The following UHRF2 variants were observed in gnomAD, a reference collection of about 807,000 sequenced individuals.
UHRF2 encodes ubiquitin like with PHD and ring finger domains 2, also known as E3 ubiquitin-protein ligase UHRF2.
UHRF2 carries 23 observed loss-of-function variants against 96.8 expected under a neutral mutation model. That is an observed-to-expected ratio of 0.24 (90% CI 0.17 to 0.34). The LOEUF (loss-of-function observed/expected upper bound fraction) is 0.34. UHRF2 is among the 10% of genes least tolerant of loss of function. The pLI, the probability that UHRF2 is intolerant of heterozygous loss-of-function variation, is 1.00. For synonymous variants in UHRF2, 385 were observed against 332.6 expected (o/e 1.16, Z -1.72); for missense variants, 685 against 981.5 (o/e 0.70, Z 4.04).
chr9:6,451,456 GT>G lies in UHRF2; in HGVS notation c.645-9108del, dbSNP rs1168530481. ...TTCCTTCTATCTTGTTTCTTACCTA[GT>G]TTTTTTTTGTTTTTTTTTTTTGTTT... On this transcript the variant is annotated intron_variant, in intron 3 of 15. Transcript: ENST00000276893. Among the ~76,000 whole-genome samples, 9 of 18,730 alleles carry G rather than the reference GT, an allele frequency of 4.8e-4. No homozygotes were observed. In the East Asian group the frequency reaches 8.2e-3, roughly 17 times the overall value. The allele number at this position is 18,730 out of a possible 152,430, so 12.3% of individuals were successfully genotyped here. A position where few individuals can be genotyped will look rare whatever the true frequency, so the allele number is the denominator to read the frequency against.
chr9:6,444,145 T>C (rs1821349896), intron 3 of UHRF2, among the ~76,000 whole-genome samples: 2 of 152,240 alleles, frequency 1.3e-5, no homozygotes, highest in Admixed American at 6.5e-5. Flanking sequence ...TAGATTTTTC[T>C]TGAATTAAGT....
chr9:6,433,275 G>T (rs909412265), intron 2 of UHRF2, among the ~76,000 whole-genome samples: 18 of 152,106 alleles, frequency 1.2e-4, no homozygotes, highest in African/African-American at 4.1e-4. Context: ...TCAGCCACTG[G>T]AATTGACTAC....
chr9:6,495,910 G>C (rs1824938214), intron 10 of UHRF2: 1 of 151,820 alleles, frequency 6.6e-6, no homozygotes, highest in South Asian at 2.1e-4. Flanking sequence ...ATCTCAATAG[G>C]TATTCTGTAA....
intron 3 of UHRF2, among the ~76,000 whole-genome samples, chr9:6,456,528 T>G (rs1822187574): frequency 6.6e-6 from 1 of 152,264 alleles, no homozygotes; most frequent in South Asian, 2.1e-4. Context: ...CAGCAGCTCT[T>G]TAGTTTAATG....
intron 2 of UHRF2, among the ~76,000 whole-genome samples, chr9:6,431,815 C>T (rs1053098339): frequency 2.0e-5 from 3 of 152,112 alleles, no homozygotes; most frequent in Non-Finnish European, 2.9e-5. Context: ...TCATTTGTGC[C>T]GCCTCGTGTT....
rs1822486064 is a variant in UHRF2 at position 6,460,676 on chromosome 9, G to A, written c.748G>A (p.Val250Ile). ...ACTAAATGTTGGTGATGTGGTAATG[G>A]TTAATTATAATGTAGAAAGTCCTGG... ...NELNVGDVVM[V>I]NYNVESPGQR... is the part of the protein sequence containing the mutation. Residue 250 changes from valine (V) to isoleucine (I), a missense_variant, in exon 4 of 16, where the codon GTT becomes ATT. Physicochemically the swap from Val to Ile is conservative, Grantham distance 29. Around this residue, in one of 6 missense-constraint regions of UHRF2, gnomAD observed 391 missense variants for 437.0 expected, o/e 0.89. Coordinates refer to ENST00000276893, the MANE Select transcript of UHRF2 (RefSeq NM_152896.3). 1 of 1,613,848 alleles carries A rather than the reference G, an allele frequency of 6.2e-7. No individual in the cohort carries two copies. Among genetic ancestry groups the A allele is most frequent in the Non-Finnish European group, 8.5e-7 (1 of 1,179,956 alleles).
rs1393172131 is a variant in UHRF2 at position 6,506,199 on chromosome 9, T to G, written c.*20T>G. 6.2e-7 allele frequency: 1 copy of G among 1,611,922 alleles called. No individual in the cohort carries two copies. Among genetic ancestry groups the G allele is most frequent in the Non-Finnish European group, 8.5e-7 (1 of 1,178,856 alleles). On this transcript the variant is annotated 3_prime_UTR_variant, in exon 16 of 16. Transcript: ENST00000276893. ...CGATGATCTGCCTGCTTTCACTGTGTTGTTCATGGTGGCTTTTTGGACAAT... is the reference window on the plus strand; with the variant it reads ...CGATGATCTGCCTGCTTTCACTGTGGTGTTCATGGTGGCTTTTTGGACAAT...
At chr9:6,505,684 T>C (rs1204114766) in intron 15 of UHRF2, among the ~76,000 whole-genome samples, 1 of 152,230 alleles carries the variant, frequency 6.6e-6, no homozygotes, top group Non-Finnish European at 1.5e-5. Context: ...AATCCAGATT[T>C]TTTTTCCCCC....
intron 6 of UHRF2, among the ~76,000 whole-genome samples, chr9:6,480,199 C>A (rs528563186): frequency 1.2e-4 from 19 of 152,158 alleles, no homozygotes; most frequent in Non-Finnish European, 1.5e-5. Context: ...TTAACTGTTT[C>A]TTTGCCAGGA....
chr9:6,440,307 A>C (rs893428449), intron 3 of UHRF2, among the ~76,000 whole-genome samples: 2 of 152,198 alleles, frequency 1.3e-5, no homozygotes, highest in African/African-American at 2.4e-5. Context: ...CTTCTTACAC[A>C]GATGCTATGT....
At chr9:6,445,981 C>CCTTT (rs1554624504) in intron 3 of UHRF2, among the ~76,000 whole-genome samples, 4 of 78,894 alleles carry the variant, frequency 5.1e-5, no homozygotes, top group Non-Finnish European at 6.9e-5. Context: ...CCCCGCCACC[C>CCTTT]TTTTTTTTTT....
intron 9 of UHRF2, among the ~76,000 whole-genome samples, chr9:6,490,830 A>G (rs1159058704): frequency 6.6e-6 from 1 of 152,204 alleles, no homozygotes; most frequent in Non-Finnish European, 1.5e-5. Flanking sequence ...ATTGACAGCT[A>G]AAATGTGTCT....
intron 11 of UHRF2, 109 bp downstream of exon 11, chr9:6,497,469 T>C (rs1825033937): frequency 4.2e-6 from 5 of 1,203,440 alleles, no homozygotes; most frequent in Non-Finnish European, 4.7e-6. Context: ...AGCCATCTTA[T>C]ATTGCTACTT....
intron 15 of UHRF2, among the ~76,000 whole-genome samples, chr9:6,505,104 T>G (rs900711921): frequency 1.1e-4 from 16 of 152,006 alleles, no homozygotes; most frequent in African/African-American, 3.6e-4. Context: ...GAAAGGAAAG[T>G]TTGTGTTTTA....
chr9:6,450,070 G>C (rs1821760532), intron 3 of UHRF2, among the ~76,000 whole-genome samples: 1 of 152,106 alleles, frequency 6.6e-6, no homozygotes, highest in Non-Finnish European at 1.5e-5. Context: ...AGTCCTGTGA[G>C]TTCTGCTACA....
At chr9:6,455,243 C>G (rs1442734173) in intron 3 of UHRF2, among the ~76,000 whole-genome samples, 2 of 152,206 alleles carry the variant, frequency 1.3e-5, no homozygotes, top group Admixed American at 1.3e-4. Flanking sequence ...CACCCATTAA[C>G]TTGTCATTTA....
chr9:6,506,964 G>C lies in UHRF2; in HGVS notation c.*785G>C, dbSNP rs190450804. 2 of 152,584 alleles carry C rather than the reference G, an allele frequency of 1.3e-5. No homozygotes were observed. Among genetic ancestry groups the C allele is most frequent in the Non-Finnish European group, 2.9e-5 (2 of 67,988 alleles). The allele number at this position is 152,584 out of a possible 1,614,324, so 9.5% of individuals were successfully genotyped here. ...TGAGGGCTGTGCTGACCTTTGAGAG[G>C]ATTTGAAATTGCTTCATATTGTGAT... On this transcript the variant is annotated 3_prime_UTR_variant, in exon 16 of 16. Transcript: ENST00000276893.
chr9:6,452,844 T>A (rs577963917), intron 3 of UHRF2, among the ~76,000 whole-genome samples: 46 of 152,224 alleles, frequency 3.0e-4, no homozygotes, highest in Middle Eastern at 6.8e-3. Flanking sequence ...CTGAAAAGTT[T>A]AGGCGAGAGT....
intron 6 of UHRF2, among the ~76,000 whole-genome samples, chr9:6,478,187 C>A (rs904241010): frequency 6.6e-6 from 1 of 152,236 alleles, no homozygotes; most frequent in African/African-American, 2.4e-5. Flanking sequence ...ATACTCTACA[C>A]TGTAGCCAGA....
Sources: allele counts gnomAD v4.1 joint callset (sites outside exome capture counted in the v4.1 genomes callset), GRCh38; gene constraint gnomAD v4.1.1; regional missense constraint gnomAD v4.1.1; transcripts MANE v1.5; gene names NCBI Gene and HGNC (gene_info 2026-07-23, HGNC 2026-07-21).